FKBP11: variants seen among roughly 807,000 people sequenced by gnomAD.
The protein encoded by FKBP11 is peptidyl-prolyl cis-trans isomerase FKBP11.
A neutral mutation model predicts 24.7 loss-of-function variants in FKBP11; 21 were observed. The observed-to-expected ratio is 0.85, with a 90% CI of 0.60 to 1.23. FKBP11 has a LOEUF of 1.23. Among genes scored for constraint, FKBP11 ranks in the 50% most tolerant of loss-of-function variants. The pLI, the probability that FKBP11 is intolerant of heterozygous loss-of-function variation, is 0.00. For missense variants in FKBP11, 245 were observed against 248.7 expected, an observed-to-expected ratio of 0.99 and a Z score of 0.10; for synonymous variants, 106 against 100.6, an observed-to-expected ratio of 1.05 and a Z score of -0.32.
At chr12:48,931,127 T>TGAAAAA (rs1453387483), upstream of FKBP11, among the ~76,000 whole-genome samples, 1 of 27,832 alleles carries the variant, frequency 3.6e-5, no homozygotes, top group Non-Finnish European at 7.1e-5. Context: ...AGACTCCAGC[T>TGAAAAA]TAAAAAAAAA....
At chr12:48,927,709 C>T (rs1336781182), upstream of FKBP11, among the ~76,000 whole-genome samples, 2 of 152,148 alleles carry the variant, frequency 1.3e-5, no homozygotes, top group Non-Finnish European at 2.9e-5. Flanking sequence ...ATCATCTTTC[C>T]TTCCTTCTGT....
the FKBP11 span, chr12:48,938,463 T>C: frequency 2.2e-6 from 1 of 447,162 alleles, no homozygotes; most frequent in Non-Finnish European, 4.5e-6. Context: ...TATCTCTCTA[T>C]ACATGTATAT....
intron 5 of FKBP11, chr12:48,922,876 C>A (rs996102232): frequency 1.9e-6 from 2 of 1,035,322 alleles, no homozygotes; most frequent in South Asian, 2.9e-5. Context: ...CAGCCAGGCG[C>A]GGTGGCTCAT....
At chr12:48,931,128 TAAAAAAAAAAAAAAAAAAA>T (rs35482677), upstream of FKBP11, among the ~76,000 whole-genome samples, 1 of 36,198 alleles carries the variant, frequency 2.8e-5, no homozygotes, top group South Asian at 1.4e-3. Context: ...GACTCCAGCT[TAAAAAAAAAAAAAAAAAAA>T]AAAAAAAAAA....
chr12:48,923,719 C>T (rs1401898843), intron 5 of FKBP11, 63 bp downstream of exon 5: 1 of 1,585,258 alleles, frequency 6.3e-7, no homozygotes, highest in Admixed American at 1.7e-5. Context: ...AAGTATATAG[C>T]TCCTTATAGC....
the FKBP11 span, among the ~76,000 whole-genome samples, chr12:48,932,228 TA>T: frequency 1.9e-3 from 63 of 32,840 alleles, 1 homozygote; most frequent in African/African-American, 8.8e-3. Flanking sequence ...AACATATATT[TA>T]TATATATATA....
chr12:48,923,266 C>G, intron 5 of FKBP11: 2 of 1,381,110 alleles, frequency 1.4e-6, no homozygotes, highest in Non-Finnish European at 9.4e-7. Context: ...CTGTCCATCT[C>G]AACCCTTCAA....
chr12:48,931,757 A>G, the FKBP11 span: 1 of 418,920 alleles, frequency 2.4e-6, no homozygotes, highest in South Asian at 3.7e-5. Context: ...GCCAAAGAAT[A>G]AGCAGAACAC....
At chr12:48,930,865 A>C (rs1011786444), upstream of FKBP11, among the ~76,000 whole-genome samples, 1 of 152,176 alleles carries the variant, frequency 6.6e-6, no homozygotes, top group African/African-American at 2.4e-5. Context: ...GCAGTGGCTC[A>C]CGCCTGTAAT....
At chr12:48,936,514 A>C in the FKBP11 span, 1 of 152,718 alleles carries the variant, frequency 6.5e-6, no homozygotes, top group Non-Finnish European at 1.5e-5. Flanking sequence ...GGGAATGTAG[A>C]AAGGACCACC....
the FKBP11 span, chr12:48,931,699 G>A: frequency 1.9e-6 from 1 of 516,100 alleles, no homozygotes; most frequent in Non-Finnish European, 3.4e-6. Context: ...AGACAATGGT[G>A]TTTATTAATT....
rs1939930297 is a variant in FKBP11 at position 48,925,080 on chromosome 12, G to A, written c.161C>T (p.Ala54Val). ...VEPPEPCAEP[A>V]AFGDTLHIHY... is the part of the protein sequence containing the mutation. ...TATGTGAAGCGTGTCTCCAAAAGCA[G>A]CGGGCTCGGCACATGGTTCTGGGGG... Residue 54 changes from alanine to valine, a missense_variant, in exon 2 of 6, where the codon GCT becomes GTT. Ala to Val is a moderately conservative substitution (Grantham distance 64). Transcript: ENST00000550765. The A allele has an allele frequency of 1.2e-6, 2 of 1,601,478 alleles. No homozygotes were observed. The highest frequency in any genetic ancestry group is 1.1e-5 in the South Asian group (1 of 90,830).
chr12:48,929,412 C>A (rs1940020592), upstream of FKBP11, among the ~76,000 whole-genome samples: 1 of 152,094 alleles, frequency 6.6e-6, no homozygotes, highest in Admixed American at 6.5e-5. Flanking sequence ...CACGCCACTG[C>A]ACTCCAGCCT....
upstream of FKBP11, among the ~76,000 whole-genome samples, chr12:48,926,808 TTTG>T (rs992370277): frequency 1.2e-4 from 18 of 150,442 alleles, no homozygotes; most frequent in African/African-American, 3.7e-4. Flanking sequence ...TTTAAAAGTT[TTTG>T]TTGTTGTTGT....
upstream of FKBP11, among the ~76,000 whole-genome samples, chr12:48,928,333 C>G (rs562623127): frequency 1.3e-5 from 2 of 151,680 alleles, no homozygotes; most frequent in Non-Finnish European, 2.9e-5. Flanking sequence ...GCATCAGTCA[C>G]CACGCCCAGC....
chr12:48,932,227 TTATATATA>T, the FKBP11 span, among the ~76,000 whole-genome samples: 404 of 37,620 alleles, frequency 0.011, 7 homozygotes, highest in African/African-American at 0.027. Flanking sequence ...AAACATATAT[TTATATATA>T]TATATATATA....
At chr12:48,925,168 T>TA (rs1372094629) in intron 1 of FKBP11, 57 bp from the exon 2 acceptor site, 1 of 1,599,728 alleles carries the variant, frequency 6.3e-7, no homozygotes. Flanking sequence ...TTCTCGCCCC[T>TA]AGACCCGGCA....
At chr12:48,935,363 T>C in the FKBP11 span, among the ~76,000 whole-genome samples, 665 of 152,278 alleles carry the variant, frequency 4.4e-3, 2 homozygotes, top group African/African-American at 0.016. Context: ...TCAAACTTAT[T>C]ATATGCCTAA....
At chr12:48,932,250 TATATA>T in the FKBP11 span, among the ~76,000 whole-genome samples, 3 of 37,302 alleles carry the variant, frequency 8.0e-5, no homozygotes, top group African/African-American at 3.2e-4. Flanking sequence ...TATATATATA[TATATA>T]TATATATTTT....
Sources: gnomAD v4.1 joint callset for allele counts (sites outside exome capture counted in the v4.1 genomes callset) on GRCh38, gnomAD v4.1.1 for gene constraint, MANE v1.5 for transcripts, NCBI Gene and HGNC (gene_info 2026-07-23, HGNC 2026-07-21) for gene names.